FAM107B: variants seen among roughly 807,000 people sequenced by gnomAD.
FAM107B encodes the protein protein FAM107B.
FAM107B carries 21 observed loss-of-function variants against 31.5 expected under a neutral mutation model. That is an observed-to-expected ratio of 0.67 (90% CI 0.47 to 0.96). FAM107B has a LOEUF of 0.96. FAM107B is among the 40% of genes least tolerant of loss of function. FAM107B has a pLI of 0.00. For synonymous variants in FAM107B, 157 were observed against 141.5 expected, an observed-to-expected ratio of 1.11 and a Z score of -0.78; for missense variants, 452 against 377.1, an observed-to-expected ratio of 1.20 and a Z score of -1.64.
intron 2 of FAM107B, among the ~76,000 whole-genome samples, chr10:14,590,591 T>G (rs1375951753): frequency 6.6e-6 from 1 of 152,216 alleles, no homozygotes; most frequent in Non-Finnish European, 1.5e-5. Context: ...ATCATGCTTC[T>G]TCCAAAGGAA....
intron 1 of FAM107B, among the ~76,000 whole-genome samples, chr10:14,755,777 A>G (rs535070695): frequency 6.6e-6 from 1 of 152,322 alleles, no homozygotes; most frequent in African/African-American, 2.4e-5. Flanking sequence ...ATTATCATGA[A>G]AGGCTCCAAA....
intron 2 of FAM107B, among the ~76,000 whole-genome samples, chr10:14,659,701 C>A (rs1042924772): frequency 6.6e-6 from 1 of 152,128 alleles, no homozygotes; most frequent in South Asian, 2.1e-4. Flanking sequence ...TGTTCTCCCA[C>A]GACATGAAAG....
chr10:14,706,189 C>T (rs917750130), intron 1 of FAM107B, among the ~76,000 whole-genome samples: 9 of 152,198 alleles, frequency 5.9e-5, no homozygotes, highest in African/African-American at 2.2e-4. Context: ...CTATGCTTAA[C>T]CTTTTGATAT....
At chr10:14,732,200 C>T (rs1438646810) in intron 1 of FAM107B, among the ~76,000 whole-genome samples, 2 of 152,184 alleles carry the variant, frequency 1.3e-5, no homozygotes, top group South Asian at 2.1e-4. Context: ...TTTCTTACAA[C>T]GGCTATCTCT....
chr10:14,739,262 C>T (rs760069975), intron 1 of FAM107B, among the ~76,000 whole-genome samples: 9 of 152,196 alleles, frequency 5.9e-5, no homozygotes, highest in Middle Eastern at 3.2e-3. Flanking sequence ...TGCTAATCTG[C>T]CACGGTGTCC....
At chr10:14,708,069 C>A (rs185773086) in intron 1 of FAM107B, among the ~76,000 whole-genome samples, 1 of 151,888 alleles carries the variant, frequency 6.6e-6, no homozygotes, top group Non-Finnish European at 1.5e-5. Flanking sequence ...ATTCTCTTCA[C>A]CTTAGGAGGA....
At chr10:14,771,853 G>A (rs140377074) in intron 1 of FAM107B, among the ~76,000 whole-genome samples, 4 of 151,824 alleles carry the variant, frequency 2.6e-5, no homozygotes, top group Admixed American at 6.6e-5. Flanking sequence ...AGTATCAAGC[G>A]AGATCACATA....
chr10:14,770,910 A>G (rs1314599295), intron 1 of FAM107B, among the ~76,000 whole-genome samples: 1 of 149,910 alleles, frequency 6.7e-6, no homozygotes, highest in East Asian at 2.0e-4. Flanking sequence ...CTGTCTGAAC[A>G]TCAGGTAACT....
intron 2 of FAM107B, among the ~76,000 whole-genome samples, chr10:14,601,575 ACCC>A (rs543596367): frequency 6.6e-6 from 1 of 151,962 alleles, no homozygotes. Flanking sequence ...CAGCTTTCCC[ACCC>A]CCGAGTGTGC....
intron 1 of FAM107B, among the ~76,000 whole-genome samples, chr10:14,759,300 A>C (rs1832995402): frequency 6.6e-6 from 1 of 152,166 alleles, no homozygotes. Context: ...GTGCCAGCAG[A>C]CTGACTTTTA....
Position 14,655,770 on chromosome 10 carries a change from G to A in FAM107B, c.469+11864C>T, listed in dbSNP as rs549095962. Among the ~76,000 whole-genome samples the A allele has an allele frequency of 4.6e-5, 7 of 152,304 alleles. No individual in the cohort carries two copies. The East Asian group carries it at 1.4e-3, about 29-fold the overall frequency. ...TTATGCAGCTGGCTACTCCTGTAGG[G>A]ACTGAGGCTTAACCCTCCTGGGGAT... On this transcript the variant is annotated intron_variant, in intron 2 of 4. Coordinates refer to ENST00000181796, the MANE Select transcript of FAM107B (RefSeq NM_031453.4).
intron 1 of FAM107B, among the ~76,000 whole-genome samples, chr10:14,759,954 C>T (rs1214984180): frequency 6.6e-6 from 1 of 152,144 alleles, no homozygotes; most frequent in East Asian, 1.9e-4. Flanking sequence ...TCAGGTGATC[C>T]ACTCCCCTTG....
intron 2 of FAM107B, among the ~76,000 whole-genome samples, chr10:14,537,982 TACCAAGCTGCTTA>T (rs1271461329): frequency 6.6e-6 from 1 of 152,170 alleles, no homozygotes; most frequent in Non-Finnish European, 1.5e-5. Context: ...TGCCCAAGGT[TACCAAGCTGCTTA>T]AGAGCAGGAC....
chr10:14,693,269 A>T (rs1463668810), intron 1 of FAM107B, among the ~76,000 whole-genome samples: 2 of 152,134 alleles, frequency 1.3e-5, no homozygotes, highest in Non-Finnish European at 2.9e-5. Context: ...TGAGGTCAGG[A>T]GTTCGAGACC....
intron 2 of FAM107B, among the ~76,000 whole-genome samples, chr10:14,613,631 T>A (rs1440072186): frequency 6.6e-5 from 10 of 152,134 alleles, no homozygotes; most frequent in Admixed American, 6.6e-4. Context: ...TTTCTCTCCA[T>A]CTCTATCAAA....
At chr10:14,534,530 C>T (rs1030281538) in intron 2 of FAM107B, among the ~76,000 whole-genome samples, 3 of 152,198 alleles carry the variant, frequency 2.0e-5, no homozygotes, top group Admixed American at 6.5e-5. Context: ...ATCTTCCGAT[C>T]AAGCTGAAAC....
At chr10:14,651,377 G>A (rs544567503) in intron 2 of FAM107B, among the ~76,000 whole-genome samples, 12 of 152,262 alleles carry the variant, frequency 7.9e-5, no homozygotes, top group African/African-American at 2.4e-4. Context: ...AGGCTGAGGC[G>A]GGCAGATCAC....
At chr10:14,688,232 G>A (rs1262901700) in intron 1 of FAM107B, among the ~76,000 whole-genome samples, 3 of 152,142 alleles carry the variant, frequency 2.0e-5, no homozygotes, top group Non-Finnish European at 4.4e-5. Flanking sequence ...AGGGGCTCTC[G>A]GGCCTTTGGC....
chr10:14,532,506 A>G (rs1252226801), intron 2 of FAM107B: 1 of 152,212 alleles, frequency 6.6e-6, no homozygotes, highest in Non-Finnish European at 1.5e-5. Flanking sequence ...AAATTACACC[A>G]AACATTCCTC....
Sources: gnomAD v4.1 joint callset for allele counts (sites outside exome capture counted in the v4.1 genomes callset) on GRCh38, gnomAD v4.1.1 for gene constraint, MANE v1.5 for transcripts, NCBI Gene and HGNC (gene_info 2026-07-23, HGNC 2026-07-21) for gene names.